SNHG17: variants seen among roughly 807,000 people sequenced by gnomAD.
SNHG17 encodes the protein small nucleolar RNA host gene 17 (non-protein coding).
intron 3 of SNHG17, chr20:38,427,472 C>A (rs760135149): frequency 2.0e-6 from 1 of 505,870 alleles, no homozygotes. Context: ...CCAGGAAGGG[C>A]AGGAGGATGG....
chr20:38,427,076 T>C (rs943451237), intron 3 of SNHG17, among the ~76,000 whole-genome samples: 1 of 150,104 alleles, frequency 6.7e-6, no homozygotes, highest in Non-Finnish European at 1.5e-5. Context: ...CTCCCTCATG[T>C]TTATATGCCA....
chr20:38,434,466 G>A (rs560288405), intron 2 of SNHG17: 3 of 170,518 alleles, frequency 1.8e-5, no homozygotes, highest in Admixed American at 5.5e-5. Context: ...CCCACAGAAG[G>A]GTCCTTCCCC....
exon 2 of SNHG17, chr20:38,434,568 G>A (rs989709215): frequency 6.3e-6 from 1 of 158,244 alleles, no homozygotes; most frequent in Non-Finnish European, 1.4e-5. Context: ...GAGTGCTGCA[G>A]GAGAGAGAGG....
At chr20:38,435,146 TTCCCCCGATGG>T in intron 1 of SNHG17, 1 of 1,232,288 alleles carries the variant, frequency 8.1e-7, no homozygotes, top group Non-Finnish European at 1.0e-6. Context: ...GGGCCTCAGT[TTCCCCCGATGG>T]TGAGAGTGGA....
chr20:38,435,093 C>T (rs1427142530), intron 1 of SNHG17: 7 of 1,232,210 alleles, frequency 5.7e-6, no homozygotes, highest in Non-Finnish European at 7.1e-6. Context: ...GGACGAGACA[C>T]TGCACCAAGG....
chr20:38,427,102 G>A (rs1188091963), intron 3 of SNHG17, among the ~76,000 whole-genome samples: 3 of 150,496 alleles, frequency 2.0e-5, no homozygotes. Context: ...GCACTTATTC[G>A]AAACTGTGCT....
chr20:38,423,412 G>A (rs757634875), intron 5 of SNHG17, among the ~76,000 whole-genome samples: 11 of 147,558 alleles, frequency 7.5e-5, no homozygotes, highest in South Asian at 2.1e-4. Context: ...GGGAGACCCT[G>A]TCTCAACCAA....
chr20:38,426,995 T>TACATAC (rs2084259581), intron 3 of SNHG17, among the ~76,000 whole-genome samples: 2 of 125,648 alleles, frequency 1.6e-5, no homozygotes, highest in South Asian at 2.8e-4. Context: ...AAGTTACACA[T>TACATAC]ACACACACAC....
At chr20:38,427,033 C>T (rs924825457) in intron 3 of SNHG17, among the ~76,000 whole-genome samples, 7 of 147,960 alleles carry the variant, frequency 4.7e-5, no homozygotes, top group Admixed American at 2.7e-4. Flanking sequence ...CACACACACA[C>T]GGGGTCAGCC....
intron 5 of SNHG17, among the ~76,000 whole-genome samples, chr20:38,423,453 C>T (rs189266279): frequency 6.8e-6 from 1 of 146,126 alleles, no homozygotes; most frequent in East Asian, 2.1e-4. Context: ...AAGATCCTGT[C>T]ATTTGCCACA....
chr20:38,428,106 C>T (rs1406242346), intron 3 of SNHG17: 2 of 152,200 alleles, frequency 1.3e-5, no homozygotes, highest in African/African-American at 4.8e-5. Context: ...GCTGTGTACC[C>T]CTACAATGTT....
At chr20:38,429,075 G>C (rs1036567394) in intron 3 of SNHG17, 1 of 152,394 alleles carries the variant, frequency 6.6e-6, no homozygotes, top group Non-Finnish European at 1.5e-5. Flanking sequence ...TCCCTTTCTC[G>C]TTTTTCTTTC....
At chr20:38,423,613 A>T (rs531844424) in intron 5 of SNHG17, among the ~76,000 whole-genome samples, 122 of 151,212 alleles carry the variant, frequency 8.1e-4, no homozygotes, top group African/African-American at 2.5e-3. Context: ...TACCATGGGC[A>T]GGAGCTGAAG....
At chr20:38,421,231 C>T (rs1739653) in intron 6 of SNHG17, 35,164 of 152,158 alleles carry the variant, frequency 0.23, 5,102 homozygotes, top group African/African-American at 0.42. Context: ...TAAAAAATCC[C>T]AACAGAAAGG....
intron 3 of SNHG17, among the ~76,000 whole-genome samples, chr20:38,430,559 T>C (rs1184065269): frequency 6.6e-6 from 1 of 151,972 alleles, no homozygotes; most frequent in Non-Finnish European, 1.5e-5. Context: ...GAGGCAGAGG[T>C]TGCAGTGAGC....
At chr20:38,435,211 T>C in exon 1 of SNHG17, 1 of 1,231,912 alleles carries the variant, frequency 8.1e-7, no homozygotes, top group Non-Finnish European at 1.0e-6. Context: ...CGCCCTGGCG[T>C]CGAGTGGCGG....
intron 2 of SNHG17, chr20:38,431,868 T>C (rs1388753603): frequency 3.2e-6 from 1 of 309,652 alleles, no homozygotes; most frequent in Non-Finnish European, 4.7e-6. Context: ...CCAAAGAGGG[T>C]AAAACTGGGG....
intron 3 of SNHG17, chr20:38,427,290 G>A (rs1568859203): frequency 2.0e-6 from 1 of 490,290 alleles, no homozygotes. Flanking sequence ...TCAAGGGCTG[G>A]CAGGAGAGCA....
chr20:38,432,491 TCTGG>T (rs1000296437), intron 2 of SNHG17, among the ~76,000 whole-genome samples: 11 of 152,100 alleles, frequency 7.2e-5, no homozygotes, highest in African/African-American at 2.4e-4. Flanking sequence ...TAGCTATACC[TCTGG>T]CTTTGGTCGC....
Sources: gnomAD v4.1 joint callset for allele counts (sites outside exome capture counted in the v4.1 genomes callset) on GRCh38, gnomAD v4.1.1 for gene constraint, MANE v1.5 for transcripts, NCBI Gene and HGNC (gene_info 2026-07-23, HGNC 2026-07-21) for gene names.